EIF4E1B: variants seen among roughly 807,000 people sequenced by gnomAD.
The protein encoded by EIF4E1B is eukaryotic translation initiation factor 4E type 1B.
EIF4E1B carries 22 observed loss-of-function variants against 31.3 expected under a neutral mutation model. The observed-to-expected ratio is 0.70, with a 90% CI of 0.50 to 1.00. The LOEUF (loss-of-function observed/expected upper bound fraction) is 1.00, where lower values mean the gene tolerates loss of function less well. Ranked by LOEUF, EIF4E1B falls within the 50% of genes least tolerant of loss-of-function variation. The pLI, the probability that EIF4E1B is intolerant of heterozygous loss-of-function variation, is 0.00. For synonymous variants in EIF4E1B, 126 were observed against 120.2 expected (o/e 1.05, Z -0.31); for missense variants, 290 against 311.6 (o/e 0.93, Z 0.52).
chr5:176,633,433 A>G (rs1174736725), intron 1 of EIF4E1B, among the ~76,000 whole-genome samples: 1 of 151,962 alleles, frequency 6.6e-6, no homozygotes, highest in East Asian at 1.9e-4. Context: ...TTTGTGATTT[A>G]CTTATTTATT....
rs140115009 is a variant in EIF4E1B at position 176,635,900 on chromosome 5, T to G, written c.-202+4836T>G. Among the ~76,000 whole-genome samples the G allele has an allele frequency of 6.1e-3, 928 of 152,230 alleles. 9 individuals carry two copies. Among genetic ancestry groups the G allele is most frequent in the African/African-American group, 0.021 (890 of 41,538 alleles). On this transcript the variant is annotated intron_variant, in intron 1 of 8. Coordinates refer to ENST00000318682, the MANE Select transcript of EIF4E1B (RefSeq NM_001099408.2). ...GGTGTAATCTCGGCTCACTGCAACCTCTGCCTCCCGGGTTCAAGCTATTCT... is the reference window on the plus strand; with the variant it reads ...GGTGTAATCTCGGCTCACTGCAACCGCTGCCTCCCGGGTTCAAGCTATTCT...
intron 1 of EIF4E1B, among the ~76,000 whole-genome samples, chr5:176,640,908 T>C (rs959146968): frequency 3.3e-5 from 5 of 152,236 alleles, no homozygotes; most frequent in African/African-American, 1.2e-4. Flanking sequence ...AATTATTTCC[T>C]ATTATTTCTT....
Position 176,642,815 on chromosome 5 carries a change from G to T in EIF4E1B, c.15+13G>T. ...GCTTGCTGTTGAGGTAATCAGCCTG[G>T]CCTCTCTACCCCCAGTGCACCATGG... is the stretch of plus-strand genomic sequence containing the variant. On this transcript the variant is annotated intron_variant, in intron 3 of 8. Coordinates refer to ENST00000318682, the MANE Select transcript of EIF4E1B (RefSeq NM_001099408.2). The T allele has an allele frequency of 6.5e-7, 1 of 1,536,176 alleles. No homozygotes were observed. The highest frequency in any genetic ancestry group is 8.7e-7 in the Non-Finnish European group (1 of 1,145,688).
At chr5:176,632,952 G>A (rs1206771069) in intron 1 of EIF4E1B, among the ~76,000 whole-genome samples, 1 of 152,176 alleles carries the variant, frequency 6.6e-6, no homozygotes, top group Non-Finnish European at 1.5e-5. Flanking sequence ...GGGAAGCAGA[G>A]GGCGGGGTGG....
At chr5:176,642,476 G>T (rs895264508) in intron 2 of EIF4E1B, among the ~76,000 whole-genome samples, 2 of 152,170 alleles carry the variant, frequency 1.3e-5, no homozygotes, top group African/African-American at 4.8e-5. Flanking sequence ...CTAGTCAAAA[G>T]AATATTTTAT....
intron 6 of EIF4E1B, 171 bp downstream of exon 6, chr5:176,644,610 A>C: frequency 1.4e-6 from 1 of 727,626 alleles, no homozygotes; most frequent in South Asian, 2.1e-5. Flanking sequence ...CGGACAGAGT[A>C]GGTCAGGCCC....
At position 176,644,393 on chromosome 5, in the gene EIF4E1B, A is replaced by C; in HGVS notation, c.314A>C (p.Gln105Pro). 1 of 1,593,942 alleles carries C rather than the reference A, an allele frequency of 6.3e-7. No homozygotes were observed. Among genetic ancestry groups the C allele is most frequent in the South Asian group, 1.1e-5 (1 of 87,550 alleles). ...EDFWALYSHI[Q>P]LASKLSSGCD... Reference sequence around the variant, plus strand: ...CTGTCCAGGCTATACAGTCACATCCAGCTGGCCAGCAAGCTCTCCTCTGGC... The same window carrying C: ...CTGTCCAGGCTATACAGTCACATCCCGCTGGCCAGCAAGCTCTCCTCTGGC... Residue 105 changes from glutamine to proline, a missense_variant, in exon 6 of 9, where the codon CAG (glutamine) becomes CCG (proline). Gln to Pro is a moderately conservative substitution (Grantham distance 76). Coordinates refer to ENST00000318682, the MANE Select transcript of EIF4E1B (RefSeq NM_001099408.2).
chr5:176,632,671 TTTGA>T (rs751581802), intron 1 of EIF4E1B, among the ~76,000 whole-genome samples: 6 of 152,178 alleles, frequency 3.9e-5, no homozygotes, highest in Non-Finnish European at 8.8e-5. Flanking sequence ...ACTGGTGCTG[TTTGA>T]TTATTTTCCC....
At chr5:176,642,865 C>CCCGCCCA in intron 3 of EIF4E1B, 63 bp downstream of exon 3, 4 of 1,169,742 alleles carry the variant, frequency 3.4e-6, no homozygotes, top group Non-Finnish European at 4.4e-6. Flanking sequence ...CCCCCCCCCC[C>CCCGCCCA]GCCCCAGGTG....
chr5:176,645,750 C>A lies in EIF4E1B; in HGVS notation c.615-116C>A. On this transcript the variant is annotated intron_variant, in intron 8 of 8. Transcript: ENST00000318682. The surrounding 1 kb of genome is among the most constrained non-coding windows in gnomAD (Gnocchi z 5.4). ...ATTTTGGGTTTCCACATGGGTAAGA[C>A]ACAACAGGTGTGGCTGTGGCCAGAA... 8.9e-7 allele frequency: 1 copy of A among 1,127,734 alleles called. No homozygotes were observed. The highest frequency in any genetic ancestry group is 1.7e-5 in the South Asian group (1 of 58,300). 69.9% of individuals were successfully genotyped at this position (1,127,734 alleles called of 1,614,324 possible). A position where few individuals can be genotyped will look rare whatever the true frequency, so the allele number is the denominator to read the frequency against.
At chr5:176,641,598 A>G (rs1190983610) in intron 1 of EIF4E1B, 1 of 152,182 alleles carries the variant, frequency 6.6e-6, no homozygotes, top group East Asian at 1.9e-4. Context: ...CATAAACCTG[A>G]GCACAGGGCC....
At chr5:176,634,144 G>A (rs1025692504) in intron 1 of EIF4E1B, among the ~76,000 whole-genome samples, 1 of 151,766 alleles carries the variant, frequency 6.6e-6, no homozygotes. Context: ...AGGGGGTGGA[G>A]CAGCTTGGTG....
At chr5:176,644,194 T>G in intron 5 of EIF4E1B, 182 bp from the exon 6 acceptor site, 1 of 639,156 alleles carries the variant, frequency 1.6e-6, no homozygotes, top group African/African-American at 1.9e-5. Context: ...CTGGGAAGGC[T>G]CTGTGGAAAA....
chr5:176,642,865 C>CCCCCCCCCCCCCCCT lies in EIF4E1B; in HGVS notation c.15+63_15+64insCCCCCCCCCCCCCCT, dbSNP rs56115420. 2 of 957,224 alleles carry CCCCCCCCCCCCCCCT rather than the reference C, an allele frequency of 2.1e-6. 1 individual carries two copies. The allele number at this position is 957,224 out of a possible 1,614,324, so 59.3% of individuals were successfully genotyped here. On this transcript the variant is annotated intron_variant, in intron 3 of 8. Coordinates refer to ENST00000318682, the MANE Select transcript of EIF4E1B (RefSeq NM_001099408.2). Reference sequence around the variant, plus strand: ...GCCCCGCCCTCTCCCCCCCCCCCCCCGCCCCAGGTGGGCGGGGCAGGTGCT... The same window carrying CCCCCCCCCCCCCCCT: ...GCCCCGCCCTCTCCCCCCCCCCCCCCCCCCCCCCCCCCCCTGCCCCAGGTGGGCGGGGCAGGTGCT...
chr5:176,646,068 C>A lies in EIF4E1B; in HGVS notation c.*88C>A. On this transcript the variant is annotated 3_prime_UTR_variant, in exon 9 of 9. Transcript: ENST00000318682. ...GGATGGGGCGGGACTGGGGATCAGA[C>A]AGCCTAGTTCTTACCTGTCCTCAAG... is the stretch of plus-strand genomic sequence containing the variant. 4 of 1,136,878 alleles carry A rather than the reference C, an allele frequency of 3.5e-6. No individual in the cohort carries two copies. Among genetic ancestry groups the A allele is most frequent in the Non-Finnish European group, 5.1e-6 (4 of 783,782 alleles). The allele number at this position is 1,136,878 out of a possible 1,614,324, so 70.4% of individuals were successfully genotyped here. A position where few individuals can be genotyped will look rare whatever the true frequency, so the allele number is the denominator to read the frequency against.
intron 5 of EIF4E1B, 171 bp from the exon 6 acceptor site, chr5:176,644,204 AG>A (rs35148874): frequency 0.3 from 202,065 of 674,882 alleles, 31,683 homozygotes; most frequent in East Asian, 0.44. Flanking sequence ...TCTGTGGAAA[AG>A]GTGGGTCTTG....
intron 3 of EIF4E1B, 63 bp downstream of exon 3, chr5:176,642,865 C>CTCCG (rs56115420): frequency 5.1e-6 from 6 of 1,169,742 alleles, no homozygotes; most frequent in South Asian, 3.7e-5. Context: ...CCCCCCCCCC[C>CTCCG]GCCCCAGGTG....
rs1396359496 is a variant in EIF4E1B, at chr5:176,646,161, T to G, written c.*181T>G. 2 of 581,188 alleles carry G rather than the reference T, an allele frequency of 3.4e-6. No individual in the cohort carries two copies. The highest frequency in any genetic ancestry group is 6.2e-6 in the Non-Finnish European group (2 of 323,790). 36.0% of individuals were successfully genotyped at this position (581,188 alleles called of 1,614,324 possible). A position where few individuals can be genotyped will look rare whatever the true frequency, so the allele number is the denominator to read the frequency against. On this transcript the variant is annotated 3_prime_UTR_variant, in exon 9 of 9. Coordinates refer to ENST00000318682, the MANE Select transcript of EIF4E1B (RefSeq NM_001099408.2). ...AGCCTTAGGGGCTAGATGGGGGTAG[T>G]GGTGGCAGTCTGAGGACCTAGCTTG...
At position 176,645,129 on chromosome 5, in the gene EIF4E1B, G is replaced by A; in HGVS notation, c.361-1G>A. 6.4e-7 allele frequency: 1 copy of A among 1,558,668 alleles called. No homozygotes were observed. The highest frequency in any genetic ancestry group is 8.7e-7 in the Non-Finnish European group (1 of 1,151,236). ...CAGTTGACTTGCCATCTGCCTTGCAGGATGGCATCCAGCCCATGTGGGAGG... is the reference window on the plus strand; with the variant it reads ...CAGTTGACTTGCCATCTGCCTTGCAAGATGGCATCCAGCCCATGTGGGAGG... On this transcript the variant is annotated splice_acceptor_variant, in intron 6 of 8. Coordinates refer to ENST00000318682, the MANE Select transcript of EIF4E1B (RefSeq NM_001099408.2). LOFTEE classifies it high-confidence loss of function. The surrounding 1 kb of genome is among the most constrained non-coding windows in gnomAD (Gnocchi z 5.4).
Sources: gnomAD v4.1 joint callset for allele counts (sites outside exome capture counted in the v4.1 genomes callset) on GRCh38, gnomAD v4.1.1 for gene constraint, Gnocchi (gnomAD v3.1) non-coding constraint, MANE v1.5 for transcripts, NCBI Gene and HGNC (gene_info 2026-07-23, HGNC 2026-07-21) for gene names.